Variants in EIF2B3 observed in about 807,000 individuals in gnomAD.
EIF2B3 encodes the protein eukaryotic translation initiation factor 2B subunit gamma, also known as translation initiation factor eIF2B subunit gamma.
A neutral mutation model predicts 54.1 loss-of-function variants in EIF2B3; 20 were observed. The observed-to-expected ratio is 0.37, with a 90% confidence interval of 0.26 to 0.54. The LOEUF (loss-of-function observed/expected upper bound fraction) is 0.54. Among genes scored for constraint, EIF2B3 ranks in the 20% least tolerant of loss-of-function variants. The pLI, the probability that EIF2B3 is intolerant of heterozygous loss-of-function variation, is 0.86. For missense variants in EIF2B3, 448 were observed against 547.8 expected (o/e 0.82, Z 1.82); for synonymous variants, 153 against 188.1 (o/e 0.81, Z 1.52).
At chr1:44,917,330 C>T (rs1179344191) in intron 5 of EIF2B3, among the ~76,000 whole-genome samples, 1 of 151,960 alleles carries the variant, frequency 6.6e-6, no homozygotes, top group Non-Finnish European at 1.5e-5. Context: ...CCCGTCTCTA[C>T]TAAAAATACA....
At chr1:44,941,447 T>C in intron 4 of EIF2B3, 59 bp downstream of exon 4, 1 of 1,539,090 alleles carries the variant, frequency 6.5e-7, no homozygotes, top group Non-Finnish European at 8.8e-7. Context: ...AGGGAAAGCA[T>C]GAGTGAGAAT....
At chr1:44,876,757 G>A (rs1444303410) in intron 8 of EIF2B3, among the ~76,000 whole-genome samples, 33 of 143,858 alleles carry the variant, frequency 2.3e-4, no homozygotes, top group African/African-American at 8.5e-4. Context: ...ATAGAAAGGC[G>A]GGAAAGGTGG....
intron 8 of EIF2B3, 96 bp from the exon 9 acceptor site, chr1:44,875,791 G>A (rs1297967389): frequency 9.4e-6 from 9 of 962,350 alleles, no homozygotes; most frequent in Middle Eastern, 2.1e-4. Context: ...CCCTCCCCAC[G>A]GTCTCCCTCT....
intron 6 of EIF2B3, among the ~76,000 whole-genome samples, chr1:44,883,064 G>A (rs1325467826): frequency 6.6e-6 from 1 of 151,200 alleles, no homozygotes; most frequent in East Asian, 2.0e-4. Flanking sequence ...AAGTAGCTGG[G>A]ATTACAGGCG....
chr1:44,968,433 T>C lies in EIF2B3; in HGVS notation c.294+9882A>G, dbSNP rs538679370. On this transcript the variant is annotated intron_variant, in intron 3 of 11. Coordinates refer to ENST00000360403, the MANE Select transcript of EIF2B3 (RefSeq NM_020365.5). ...GAACTTACTACATATCTAAAAAACATGATTCAGAACAATCAATAAGATACA... is the reference window on the plus strand; with the variant it reads ...GAACTTACTACATATCTAAAAAACACGATTCAGAACAATCAATAAGATACA... Among the ~76,000 whole-genome samples the C allele has an allele frequency of 1.3e-3, 197 of 148,700 alleles. 2 individuals are homozygous for C. The South Asian group carries it at 0.025, about 19-fold the overall frequency.
At chr1:44,904,213 C>T (rs927106913) in intron 5 of EIF2B3, among the ~76,000 whole-genome samples, 6 of 152,062 alleles carry the variant, frequency 3.9e-5, no homozygotes, top group African/African-American at 1.4e-4. Context: ...TGGGTGAGAA[C>T]AGAATGAAGA....
At position 44,942,334 on chromosome 1, in the gene EIF2B3, T is replaced by C. The variant is rs567267113; in HGVS notation, c.295-669A>G. 3.7e-3 allele frequency among the ~76,000 whole-genome samples: 468 copies of C among 125,860 alleles called. 10 individuals are homozygous for C. Among genetic ancestry groups the C allele is most frequent in the African/African-American group, 0.014 (449 of 32,874 alleles). The allele number at this position is 125,860 out of a possible 152,430, so 82.6% of individuals were successfully genotyped here. A position where few individuals can be genotyped will look rare whatever the true frequency, so the allele number is the denominator to read the frequency against. On this transcript the variant is annotated intron_variant, in intron 3 of 11. Coordinates refer to ENST00000360403, the MANE Select transcript of EIF2B3 (RefSeq NM_020365.5). Reference sequence around the variant, plus strand: ...ATTGTTTAACAAATGAATGAATAAATCAACGAAGAAAAGGTTTTCTCTTAT... The same window carrying C: ...ATTGTTTAACAAATGAATGAATAAACCAACGAAGAAAAGGTTTTCTCTTAT...
intron 10 of EIF2B3, chr1:44,863,255 G>A (rs17390356): frequency 0.14 from 21,090 of 152,170 alleles, 1,649 homozygotes; most frequent in Non-Finnish European, 0.17. Context: ...CACTTTGGCC[G>A]AAAGATTATG....
intron 4 of EIF2B3, among the ~76,000 whole-genome samples, chr1:44,932,793 T>C (rs79255847): frequency 6.6e-6 from 1 of 152,134 alleles, no homozygotes; most frequent in Non-Finnish European, 1.5e-5. Context: ...GGGATATGAT[T>C]TCCAAGAGAA....
At chr1:44,975,423 T>G (rs987851118) in intron 3 of EIF2B3, among the ~76,000 whole-genome samples, 1 of 152,332 alleles carries the variant, frequency 6.6e-6, no homozygotes, top group East Asian at 1.9e-4. Context: ...TATAGCCTAC[T>G]ACATACCTAG....
Position 44,897,434 on chromosome 1 carries a change from T to C in EIF2B3, c.577A>G (p.Ile193Val), listed in dbSNP as rs954719897. ...KGSILQKHPR[I>V]RFHTGLVDAH... The stretch of plus-strand genomic sequence containing the variant: ...TCCACAAGACCCGTGTGGAAACGTA[T>C]TCTAGGATGCCTGCAAAAAAATAAA... The change falls in exon 6 of 12, where the codon ATA becomes GTA. Residue 193 changes from isoleucine to valine, a missense_variant. Physicochemically the swap from Ile to Val is conservative, Grantham distance 29. Transcript: ENST00000360403. The C allele has an allele frequency of 1.9e-6, 3 of 1,611,708 alleles. No homozygotes were observed. In the African/African-American group the frequency reaches 4.0e-5, roughly 22 times the overall value.
intron 3 of EIF2B3, among the ~76,000 whole-genome samples, chr1:44,959,643 G>T (rs569867231): frequency 6.6e-6 from 1 of 152,262 alleles, no homozygotes; most frequent in African/African-American, 2.4e-5. Flanking sequence ...CGACTCCCCA[G>T]CCTCCCTGTG....
At chr1:44,971,470 C>G (rs1384077244) in intron 3 of EIF2B3, among the ~76,000 whole-genome samples, 1 of 152,044 alleles carries the variant, frequency 6.6e-6, no homozygotes, top group Non-Finnish European at 1.5e-5. Context: ...CTCATGCCTT[C>G]TCTCCTAACA....
chr1:44,981,320 G>A, intron 1 of EIF2B3, 143 bp from the exon 2 acceptor site: 1 of 847,700 alleles, frequency 1.2e-6, no homozygotes, highest in South Asian at 1.4e-5. Flanking sequence ...ATCACAGTAA[G>A]AAAAGCTTAG....
chr1:44,928,321 C>G (rs1297249628), intron 4 of EIF2B3, among the ~76,000 whole-genome samples: 1 of 151,940 alleles, frequency 6.6e-6, no homozygotes, highest in East Asian at 1.9e-4. Flanking sequence ...GTGGCAGGCG[C>G]CTGTAATCCC....
intron 5 of EIF2B3, among the ~76,000 whole-genome samples, chr1:44,913,952 A>G (rs558517283): frequency 1.9e-4 from 28 of 149,546 alleles, no homozygotes; most frequent in African/African-American, 6.7e-4. Flanking sequence ...TCAGCCTCCC[A>G]AGTAGCTGGG....
intron 6 of EIF2B3, among the ~76,000 whole-genome samples, chr1:44,882,438 C>CT (rs200259851): frequency 0.058 from 8,256 of 142,544 alleles, 332 homozygotes; most frequent in Non-Finnish European, 0.091. Context: ...TGGGAGAAAA[C>CT]TTTTTTTTTT....
intron 10 of EIF2B3, among the ~76,000 whole-genome samples, chr1:44,866,625 G>C (rs1172650399): frequency 4.6e-5 from 7 of 151,850 alleles, no homozygotes; most frequent in Non-Finnish European, 8.8e-5. Context: ...TGCAACCTCG[G>C]CTCACTGCAA....
chr1:44,958,917 A>T, intron 3 of EIF2B3: 2 of 790,232 alleles, frequency 2.5e-6, no homozygotes, highest in Admixed American at 1.9e-5. Context: ...TCTGAAACAG[A>T]CGGAGAAAAT....
Sources: allele counts gnomAD v4.1 joint callset (sites outside exome capture counted in the v4.1 genomes callset), GRCh38; gene constraint gnomAD v4.1.1; transcripts MANE v1.5; gene names NCBI Gene and HGNC (gene_info 2026-07-23, HGNC 2026-07-21).